GLIS3: variants seen among roughly 807,000 people sequenced by gnomAD.
GLIS3 encodes the protein zinc finger protein GLIS3.
A neutral mutation model predicts 78.6 loss-of-function variants in GLIS3; 53 were observed. That is an observed-to-expected ratio of 0.67 (90% CI 0.54 to 0.85). The LOEUF is 0.85. Ranked by LOEUF, GLIS3 falls within the 40% of genes least tolerant of loss-of-function variation. The probability of loss-of-function intolerance (pLI) is 0.00; values close to 1 mark genes in which losing one functional copy is unlikely to be tolerated. For missense variants in GLIS3, 1,703 were observed against 1,231.1 expected, an observed-to-expected ratio of 1.38 and a Z score of -5.74; for synonymous variants, 684 against 509.9, an observed-to-expected ratio of 1.34 and a Z score of -4.60.
At chr9:3,874,803 TG>T (rs1180180592) in intron 8 of GLIS3, among the ~76,000 whole-genome samples, 2 of 151,952 alleles carry the variant, frequency 1.3e-5, no homozygotes, top group East Asian at 1.9e-4. Context: ...AAAAACACTT[TG>T]TTTTTTTTCC....
At chr9:4,136,996 C>T (rs925319715) in intron 2 of GLIS3, among the ~76,000 whole-genome samples, 1 of 152,024 alleles carries the variant, frequency 6.6e-6, no homozygotes, top group Non-Finnish European at 1.5e-5. Flanking sequence ...GTGGCGCATC[C>T]CATTAGGAGC....
chr9:4,140,326 A>G (rs1477847352), intron 2 of GLIS3, among the ~76,000 whole-genome samples: 2 of 152,152 alleles, frequency 1.3e-5, no homozygotes, highest in Admixed American at 1.3e-4. Flanking sequence ...CCTGTCCCCA[A>G]AAAACAAAAA....
At chr9:4,329,315 C>T (rs967758808) in intron 2 of GLIS3, among the ~76,000 whole-genome samples, 6 of 152,196 alleles carry the variant, frequency 3.9e-5, no homozygotes, top group Admixed American at 2.6e-4. Flanking sequence ...TATCCTCACA[C>T]TTTTCTCTGT....
the GLIS3 span, among the ~76,000 whole-genome samples, chr9:4,401,917 G>C: frequency 6.6e-6 from 1 of 152,166 alleles, no homozygotes; most frequent in Non-Finnish European, 1.5e-5. Context: ...GGAAAGCAGA[G>C]GCAAGAGCGG....
chr9:3,880,707 A>C (rs1035647478), intron 7 of GLIS3, among the ~76,000 whole-genome samples: 1 of 152,134 alleles, frequency 6.6e-6, no homozygotes, highest in African/African-American at 2.4e-5. Context: ...CTTTTCCCCA[A>C]CCTCTCCAGG....
intron 4 of GLIS3, among the ~76,000 whole-genome samples, chr9:4,064,305 A>C (rs1425536570): frequency 6.6e-6 from 1 of 152,184 alleles, no homozygotes; most frequent in Non-Finnish European, 1.5e-5. Flanking sequence ...GATTTTTTAA[A>C]AATATTAAGC....
intron 8 of GLIS3, among the ~76,000 whole-genome samples, chr9:3,859,400 C>CACACACAT (rs1303329329): frequency 5.4e-5 from 8 of 149,312 alleles, no homozygotes; most frequent in African/African-American, 2.0e-4. Context: ...CACACACACA[C>CACACACAT]ATCAAAATGA....
Position 4,118,244 on chromosome 9 carries a change from C to T in GLIS3, c.1234G>A (p.Val412Met). ...GLQPGLVNHM[V>M]VQHGLPGPDS... ...GGGCCCGGCAGGCCATGCTGCACCA[C>T]CATGTGGTTGACCAGGCCTGGCTGC... Residue 412 changes from valine (V) to methionine (M), a missense_variant, in exon 4 of 11, where the codon GTG (valine) becomes ATG (methionine). Coordinates refer to ENST00000381971, the MANE Select transcript of GLIS3 (RefSeq NM_001042413.2). The surrounding 1 kb of genome is among the most constrained non-coding windows in gnomAD (Gnocchi z 4.7). The T allele has an allele frequency of 6.3e-7, 1 of 1,591,102 alleles. No individual in the cohort carries two copies. The highest frequency in any genetic ancestry group is 8.6e-7 in the Non-Finnish European group (1 of 1,169,202).
chr9:4,484,571 C>T, the GLIS3 span, among the ~76,000 whole-genome samples: 2 of 151,546 alleles, frequency 1.3e-5, no homozygotes, highest in Admixed American at 6.6e-5. Flanking sequence ...GGCCCTGCCA[C>T]CACACCTGGC....
At chr9:4,185,392 T>C (rs889363368) in intron 2 of GLIS3, among the ~76,000 whole-genome samples, 2 of 152,216 alleles carry the variant, frequency 1.3e-5, no homozygotes, top group African/African-American at 2.4e-5. Flanking sequence ...TTTTGGGCTA[T>C]TATAAAGAAT....
At chr9:4,202,583 G>A (rs545720045) in intron 2 of GLIS3, among the ~76,000 whole-genome samples, 2 of 152,108 alleles carry the variant, frequency 1.3e-5, no homozygotes, top group South Asian at 2.1e-4. Flanking sequence ...ATAAGGCTAC[G>A]GTAAACAAAA....
At chr9:4,216,990 A>G (rs770589636) in intron 2 of GLIS3, among the ~76,000 whole-genome samples, 9 of 152,246 alleles carry the variant, frequency 5.9e-5, no homozygotes, top group Non-Finnish European at 8.8e-5. Context: ...ATGGAGCCAC[A>G]TTAAAGGGAT....
At chr9:4,013,352 G>T (rs1822189036) in intron 4 of GLIS3, among the ~76,000 whole-genome samples, 1 of 152,060 alleles carries the variant, frequency 6.6e-6, no homozygotes. Context: ...TTTTTTAAAG[G>T]TTTGTTGTGA....
At position 4,286,071 on chromosome 9, in the gene GLIS3, A is replaced by T; in HGVS notation, c.355T>A (p.Phe119Ile). The part of the protein sequence containing the change: ...SHTLKPKQQE[F>I]GSPFPPNPGK... ...GGATTTGGAGGAAAAGGGCTTCCAA[A>T]CTCCTGCTGCTTTGGCTTTAAAGTA... The change falls in exon 2 of 11, where the codon TTT becomes ATT. Residue 119 changes from phenylalanine to isoleucine, a missense_variant. Transcript: ENST00000381971. 6.2e-7 allele frequency: 1 copy of T among 1,613,240 alleles called. No homozygotes were observed. The highest frequency in any genetic ancestry group is 8.5e-7 in the Non-Finnish European group (1 of 1,179,644).
At chr9:4,104,073 T>C (rs1441165491) in intron 4 of GLIS3, among the ~76,000 whole-genome samples, 1 of 152,170 alleles carries the variant, frequency 6.6e-6, no homozygotes, top group Non-Finnish European at 1.5e-5. Flanking sequence ...TCTACTCATT[T>C]CACTTTAAAT....
intron 4 of GLIS3, among the ~76,000 whole-genome samples, chr9:3,946,498 A>C (rs1816304318): frequency 6.6e-6 from 1 of 152,238 alleles, no homozygotes; most frequent in African/African-American, 2.4e-5. Flanking sequence ...AAATGCATTT[A>C]CAGGTTTTAG....
intron 4 of GLIS3, among the ~76,000 whole-genome samples, chr9:4,307,583 T>C (rs1817261365): frequency 6.6e-6 from 1 of 152,078 alleles, no homozygotes; most frequent in South Asian, 2.1e-4. Flanking sequence ...CTGGAACCTA[T>C]GAATATGTTA....
At chr9:4,479,748 T>TA in the GLIS3 span, among the ~76,000 whole-genome samples, 4 of 152,128 alleles carry the variant, frequency 2.6e-5, no homozygotes, top group African/African-American at 9.7e-5. Flanking sequence ...GGCAGACCCC[T>TA]ATCTGGGGAG....
intron 4 of GLIS3, among the ~76,000 whole-genome samples, chr9:4,099,179 A>G (rs1297844755): frequency 6.6e-6 from 1 of 152,256 alleles, no homozygotes; most frequent in Non-Finnish European, 1.5e-5. Context: ...CTGCTATGAC[A>G]AAGCATCACA....
Sources: gnomAD v4.1 joint callset for allele counts (sites outside exome capture counted in the v4.1 genomes callset) on GRCh38, gnomAD v4.1.1 for gene constraint, Gnocchi (gnomAD v3.1) non-coding constraint, MANE v1.5 for transcripts, NCBI Gene and HGNC (gene_info 2026-07-23, HGNC 2026-07-21) for gene names.